MCM4: variants seen among roughly 807,000 people sequenced by gnomAD.
MCM4 encodes DNA replication licensing factor MCM4.
A neutral mutation model predicts 88.7 loss-of-function variants in MCM4; 60 were observed. The observed-to-expected ratio is 0.68, with a 90% CI of 0.55 to 0.84. MCM4 has a LOEUF of 0.84. MCM4 is among the 40% of genes least tolerant of loss of function. The pLI, the probability that MCM4 is intolerant of heterozygous loss-of-function variation, is 0.00. For missense variants in MCM4, 1,149 were observed against 1,105.5 expected (o/e 1.04, Z -0.56); for synonymous variants, 465 against 410.5 (o/e 1.13, Z -1.61).
intron 10 of MCM4, among the ~76,000 whole-genome samples, chr8:47,967,867 C>T (rs1028998486): frequency 1.3e-5 from 2 of 152,190 alleles, no homozygotes; most frequent in Non-Finnish European, 2.9e-5. Context: ...AGAAGTATTA[C>T]TCACCAATGC....
At chr8:47,968,298 G>T (rs2090919164) in intron 10 of MCM4, among the ~76,000 whole-genome samples, 1 of 152,196 alleles carries the variant, frequency 6.6e-6, no homozygotes, top group Non-Finnish European at 1.5e-5. Flanking sequence ...TGCTCACCCT[G>T]TTTCTTCCCC....
rs747811497 is a variant in MCM4, at chr8:47,966,230, A to G, written c.876A>G (p.Thr292=). 5.0e-6 allele frequency: 8 copies of G among 1,613,952 alleles called. No individual in the cohort carries two copies. The highest frequency in any genetic ancestry group is 2.2e-5 in the South Asian group (2 of 91,078). The change falls in exon 9 of 17, where the codon ACA becomes ACG. Residue 292 remains threonine (T), a synonymous_variant. Transcript: ENST00000649973. The part of the protein sequence containing the change: ...LITISGMVIR[T]SQLIPEMQEA... The stretch of plus-strand genomic sequence containing the variant: ...CCATCAGCGGCATGGTGATCAGGAC[A>G]TCCCAGCTGATTCCCGAGATGCAGG...
In MCM4 at chr8:47,976,562, T is replaced by G. The variant is rs2091002239; in HGVS notation, c.2500-124T>G. 4.8e-6 allele frequency: 3 copies of G among 624,578 alleles called. No homozygotes were observed. In the East Asian group the frequency reaches 9.4e-5, roughly 20 times the overall value. The allele number at this position is 624,578 out of a possible 1,614,324, so 38.7% of individuals were successfully genotyped here. Reference sequence around the variant, plus strand: ...CACTCCTGATTTAGAGCATAAGGCATGTGTACAGCCACCAAAAAGAGAAAG... The same window carrying G: ...CACTCCTGATTTAGAGCATAAGGCAGGTGTACAGCCACCAAAAAGAGAAAG... On this transcript the variant is annotated intron_variant, in intron 16 of 16. Transcript: ENST00000649973.
At position 47,976,700 on chromosome 8, in the gene MCM4, T is replaced by C. The variant is rs1053247403; in HGVS notation, c.2514T>C (p.Asp838=). 1.9e-6 allele frequency: 3 copies of C among 1,612,394 alleles called. No individual in the cohort carries two copies. The highest frequency in any genetic ancestry group is 1.3e-5 in the African/African-American group (1 of 74,906). ...RGQSDIAITK[D]MFEEALRALA... is the part of the protein sequence containing the mutation. The stretch of plus-strand genomic sequence containing the variant: ...CTTCCCCACAGGCAATTACTAAAGA[T>C]ATGTTTGAAGAAGCACTGCGTGCCC... The change falls in exon 17 of 17, where the codon GAT becomes GAC. Residue 838 remains aspartate, a synonymous_variant. Transcript: ENST00000649973.
intron 5 of MCM4, 117 bp downstream of exon 5, chr8:47,962,523 C>G (rs2090854149): frequency 9.6e-7 from 1 of 1,040,726 alleles, no homozygotes; most frequent in Non-Finnish European, 1.4e-6. Flanking sequence ...GTGGCTCACA[C>G]CTATAATCCC....
intron 13 of MCM4, among the ~76,000 whole-genome samples, chr8:47,972,371 G>A (rs2090961383): frequency 6.6e-6 from 1 of 152,132 alleles, no homozygotes; most frequent in Admixed American, 6.5e-5. Context: ...ACAGCACAGG[G>A]TGAGTGGGGT....
intron 10 of MCM4, among the ~76,000 whole-genome samples, chr8:47,967,833 T>C (rs1208156496): frequency 2.6e-5 from 4 of 152,122 alleles, no homozygotes; most frequent in African/African-American, 9.7e-5. Flanking sequence ...ATGGGTAAAG[T>C]TTTGAGTTAT....
rs751663847 is a variant in MCM4, at chr8:47,964,558, A to G, written c.694-16A>G. 11 of 1,570,482 alleles carry G rather than the reference A, an allele frequency of 7.0e-6. No homozygotes were observed. In the South Asian group the frequency reaches 7.1e-5, roughly 10 times the overall value. ...GAGATATGAATACAAATACATCTTC[A>G]TATTTGTTTTTACAGGAAGTTATTC... On this transcript the variant is annotated splice_polypyrimidine_tract_variant and intron_variant, in intron 7 of 16. Coordinates refer to ENST00000649973, the MANE Select transcript of MCM4 (RefSeq NM_182746.3).
chr8:47,974,529 C>T, intron 14 of MCM4: 3 of 562,490 alleles, frequency 5.3e-6, no homozygotes, highest in Middle Eastern at 4.8e-4. Context: ...TGTTCACCCA[C>T]CACTGCACGC....
intron 6 of MCM4, 24 bp downstream of exon 6, chr8:47,962,883 A>T: frequency 6.3e-7 from 1 of 1,577,894 alleles, no homozygotes; most frequent in Non-Finnish European, 8.6e-7. Context: ...CTTTAAATTC[A>T]AGTTACGTGT....
rs1411783585 is a variant in MCM4 at position 47,966,176 on chromosome 8, T to A, written c.833-11T>A. On this transcript the variant is annotated splice_polypyrimidine_tract_variant and intron_variant, in intron 8 of 16. Transcript: ENST00000649973. The stretch of plus-strand genomic sequence containing the variant: ...AGGTCAGGTGTGCTGACCTCTCTTC[T>A]CCCCTCACAGACATTGACCAGCTCA... 4 of 1,611,146 alleles carry A rather than the reference T, an allele frequency of 2.5e-6. No individual in the cohort carries two copies. The highest frequency in any genetic ancestry group is 3.4e-6 in the Non-Finnish European group (4 of 1,177,886).
At chr8:47,962,534 A>C (rs1196207579) in intron 5 of MCM4, 128 bp downstream of exon 5, 2 of 980,812 alleles carry the variant, frequency 2.0e-6, no homozygotes, top group Non-Finnish European at 3.0e-6. Context: ...CTATAATCCC[A>C]GTACTTTGGG....
intron 3 of MCM4, 70 bp from the exon 4 acceptor site, chr8:47,961,983 G>GA: frequency 7.0e-7 from 1 of 1,427,854 alleles, no homozygotes; most frequent in Non-Finnish European, 9.9e-7. Context: ...AGATGGTATA[G>GA]ATCAACAGAC....
At chr8:47,964,836 A>G (rs1310929539) in intron 8 of MCM4, 124 bp downstream of exon 8, 5 of 727,434 alleles carry the variant, frequency 6.9e-6, no homozygotes, top group Non-Finnish European at 1.1e-5. Context: ...ACGGATTATA[A>G]ATTGACAATA....
intron 8 of MCM4, 28 bp downstream of exon 8, chr8:47,964,740 T>A: frequency 1.3e-6 from 2 of 1,526,602 alleles, no homozygotes; most frequent in Non-Finnish European, 1.8e-6. Flanking sequence ...GGATTACTTT[T>A]GTTGAAGGAA....
intron 14 of MCM4, 181 bp from the exon 15 acceptor site, chr8:47,974,553 C>G (rs2090984240): frequency 3.3e-6 from 2 of 612,794 alleles, no homozygotes; most frequent in Non-Finnish European, 5.9e-6. Context: ...ACGTTGATGT[C>G]TTCACCTGCG....
At position 47,970,619 on chromosome 8, in the gene MCM4, A is replaced by T; in HGVS notation, c.1543A>T (p.Ser515Cys). The T allele has an allele frequency of 6.2e-7, 1 of 1,614,162 alleles. No individual in the cohort carries two copies. The highest frequency in any genetic ancestry group is 8.5e-7 in the Non-Finnish European group (1 of 1,180,028). The change falls in exon 12 of 17, where the codon AGC becomes TGC. Residue 515 changes from serine (S) to cysteine (C), a missense_variant. Ser to Cys is a moderately radical substitution (Grantham distance 112). Transcript: ENST00000649973. ...NILLCGDPGT[S>C]KSQLLQYVYN... ...CTTGCTGTGTGGCGACCCTGGTACC[A>T]GCAAGTCCCAGCTGCTGCAGTACGT...
In MCM4 at chr8:47,976,956, T is replaced by C; in HGVS notation, c.*178T>C. The C allele has an allele frequency of 5.9e-6, 3 of 508,208 alleles. No homozygotes were observed. Among genetic ancestry groups the C allele is most frequent in the Non-Finnish European group, 1.1e-5 (3 of 280,322 alleles). The allele number at this position is 508,208 out of a possible 1,614,324, so 31.5% of individuals were successfully genotyped here. A position where few individuals can be genotyped will look rare whatever the true frequency, so the allele number is the denominator to read the frequency against. On this transcript the variant is annotated 3_prime_UTR_variant, in exon 17 of 17. Transcript: ENST00000649973. ...TAGTGAAGTATCTGTTTTCATTTTT[T>C]TCACGTTATAAATAAAAATACTATG...
Position 47,962,396 on chromosome 8 carries a change from A to G in MCM4, c.491A>G (p.Glu164Gly), listed in dbSNP as rs2090852485. The change falls in exon 5 of 17, where the codon GAA becomes GGA. Residue 164 changes from glutamate (E) to glycine (G), a missense_variant. Physicochemically the swap from Glu to Gly is moderately conservative, Grantham distance 98. This residue lies in a region of MCM4 where 906 missense variants were observed against 843.0 expected (regional missense o/e 1.07). Coordinates refer to ENST00000649973, the MANE Select transcript of MCM4 (RefSeq NM_182746.3). ...GTDVNVAACK[E>G]NFQRFLQRFI... ...GATGTAAATGTGGCAGCATGCAAAG[A>G]AAACTTTCAGGTGAGCTACATGTAT... 6.2e-7 allele frequency: 1 copy of G among 1,614,254 alleles called. No individual in the cohort carries two copies. Among genetic ancestry groups the G allele is most frequent in the Non-Finnish European group, 8.5e-7 (1 of 1,180,040 alleles).
Sources: gnomAD v4.1 joint callset for allele counts (sites outside exome capture counted in the v4.1 genomes callset) on GRCh38, gnomAD v4.1.1 for gene constraint, gnomAD v4.1.1 regional missense constraint, MANE v1.5 for transcripts, NCBI Gene and HGNC (gene_info 2026-07-23, HGNC 2026-07-21) for gene names.